The following ADAMTS1 variants were observed in gnomAD, a reference collection of about 807,000 sequenced individuals.
The protein encoded by ADAMTS1 is A disintegrin and metalloproteinase with thrombospondin motifs 1.
Under a neutral mutation model 87.9 loss-of-function variants are expected in ADAMTS1, and 19 were observed. That is an observed-to-expected ratio of 0.22 (90% confidence interval 0.15 to 0.32). ADAMTS1 has a LOEUF of 0.32. Ranked by LOEUF, ADAMTS1 falls within the 10% of genes least tolerant of loss-of-function variation. The pLI is 1.00. For synonymous variants in ADAMTS1, 542 were observed against 501.8 expected (o/e 1.08, Z -1.07); for missense variants, 1,240 against 1,259.1 (o/e 0.98, Z 0.23).
chr21:26,844,895 G>C lies in ADAMTS1; in HGVS notation c.60C>G (p.Asn20Lys), dbSNP rs765069996. 6.5e-6 allele frequency: 10 copies of C among 1,532,240 alleles called. No homozygotes were observed. The highest frequency in any genetic ancestry group is 3.7e-5 in the South Asian group (3 of 81,180). 94.9% of individuals were successfully genotyped at this position (1,532,240 alleles called of 1,614,324 possible). ...TCCGAGACCCCGGAGCCCGCTCCGCGTTCCCCATGTCGCTGCCCAGCTTGC... is the reference window on the plus strand; with the variant it reads ...TCCGAGACCCCGGAGCCCGCTCCGCCTTCCCCATGTCGCTGCCCAGCTTGC... ...GRRKLGSDMG[N>K]AERAPGSRSF... The change falls in exon 1 of 9, where the codon AAC becomes AAG. Residue 20 changes from asparagine (N) to lysine (K), a missense_variant. Physicochemically the swap from Asn to Lys is moderately conservative, Grantham distance 94. Around this residue, in one of 3 missense-constraint regions of ADAMTS1, gnomAD observed 521 missense variants for 449.7 expected, o/e 1.16. Coordinates refer to ENST00000284984, the MANE Select transcript of ADAMTS1 (RefSeq NM_006988.5).
Position 26,837,228 on chromosome 21 carries a change from A to T in ADAMTS1, c.*351T>A, listed in dbSNP as rs1985383778. ...CCATGATACTAAGTATTTGATAAGT[A>T]CCAGGAAACAGGGGTTGTAATAGTT... On this transcript the variant is annotated 3_prime_UTR_variant, in exon 9 of 9. Transcript: ENST00000284984. 4.9e-6 allele frequency: 1 copy of T among 205,056 alleles called. No individual in the cohort carries two copies. The highest frequency in any genetic ancestry group is 1.0e-5 in the Non-Finnish European group (1 of 99,812). The allele number at this position is 205,056 out of a possible 1,614,324, so 12.7% of individuals were successfully genotyped here.
Position 26,836,841 on chromosome 21 carries a change from A to G in ADAMTS1, c.*738T>C, listed in dbSNP as rs770866005. ...GCTCATTGTGTCTCCTCTAGCTTTT[A>G]CCAGCATCTAATGCTTCACTGCTTT... On this transcript the variant is annotated 3_prime_UTR_variant, in exon 9 of 9. Transcript: ENST00000284984. 6.6e-6 allele frequency: 1 copy of G among 152,258 alleles called. No homozygotes were observed. The highest frequency in any genetic ancestry group is 1.5e-5 in the Non-Finnish European group (1 of 68,050). 9.4% of individuals were successfully genotyped at this position (152,258 alleles called of 1,614,324 possible). A position where few individuals can be genotyped will look rare whatever the true frequency, so the allele number is the denominator to read the frequency against.
chr21:26,841,484 A>T lies in ADAMTS1; in HGVS notation c.1211-319T>A, dbSNP rs535925110. 9 of 251,848 alleles carry T rather than the reference A, an allele frequency of 3.6e-5. 1 individual carries two copies. The South Asian group carries it at 1.0e-3, about 29-fold the overall frequency. The allele number at this position is 251,848 out of a possible 1,614,324, so 15.6% of individuals were successfully genotyped here. On this transcript the variant is annotated intron_variant, in intron 3 of 8. Transcript: ENST00000284984. ...ACAGAGTGAGACTCCATCTCAAAAAAAATAATAATAAAATAAAATATGGAT... is the reference window on the plus strand; with the variant it reads ...ACAGAGTGAGACTCCATCTCAAAAATAATAATAATAAAATAAAATATGGAT...
chr21:26,844,102 CT>C (rs1985554685), intron 1 of ADAMTS1, 122 bp downstream of exon 1: 1 of 1,275,862 alleles, frequency 7.8e-7, no homozygotes, highest in Non-Finnish European at 1.1e-6. Context: ...CACTCCAGGC[CT>C]CCGTTCTGTC....
At position 26,837,913 on chromosome 21, in the gene ADAMTS1, G is replaced by A. The variant is rs1264343996; in HGVS notation, c.2570C>T (p.Ala857Val). ...TTCGCCCCACTCTTCAATGACCCAT[G>A]CTGAAAAAGTGGGGATAGCATTGAA... Reference protein sequence around the residue: ...ESFNAIPTFSAWVIEEWGECS... With the variant: ...ESFNAIPTFSVWVIEEWGECS... The change falls in exon 9 of 9, where the codon GCA becomes GTA. Residue 857 changes from alanine to valine, a missense_variant. By Grantham distance (64) the Ala-to-Val change is moderately conservative. Transcript: ENST00000284984. 6.2e-7 allele frequency: 1 copy of A among 1,614,226 alleles called. No homozygotes were observed. The highest frequency in any genetic ancestry group is 2.2e-5 in the East Asian group (1 of 44,888).
chr21:26,840,393 A>C lies in ADAMTS1; in HGVS notation c.1548T>G (p.Gly516=), dbSNP rs1946819143. ...GTTTGGTTTGACACACCAGCACCCC[A>C]CCAGAGGTGCCGGTACACCACAAGG... ...CSTLWCTGTS[G]GVLVCQTKHF... is the part of the protein sequence containing the mutation. Residue 516 remains glycine, a synonymous_variant, in exon 5 of 9, where the codon GGT becomes GGG. Transcript: ENST00000284984. 38 of 1,614,196 alleles carry C rather than the reference A, an allele frequency of 2.4e-5. No homozygotes were observed. Among genetic ancestry groups the C allele is most frequent in the Non-Finnish European group, 3.1e-5 (37 of 1,180,026 alleles).
Position 26,844,871 on chromosome 21 carries a change from C to G in ADAMTS1, c.84G>C (p.Arg28=). ...GCAGCGTGGGTACTGGCCCAAAGCT[C>G]CGAGACCCCGGAGCCCGCTCCGCGT... ...MGNAERAPGS[R]SFGPVPTLLL... is the part of the protein sequence containing the mutation. Residue 28 remains arginine, a synonymous_variant, in exon 1 of 9, where the codon CGG becomes CGC. Coordinates refer to ENST00000284984, the MANE Select transcript of ADAMTS1 (RefSeq NM_006988.5). 6.5e-7 allele frequency: 1 copy of G among 1,548,864 alleles called. No homozygotes were observed. Among genetic ancestry groups the G allele is most frequent in the Non-Finnish European group, 8.7e-7 (1 of 1,148,332 alleles).
At chr21:26,841,431 A>T in intron 3 of ADAMTS1, 3 of 348,286 alleles carry the variant, frequency 8.6e-6, no homozygotes, top group Middle Eastern at 7.9e-4. Flanking sequence ...GTGAGCCGAG[A>T]TTGTGCCACT....
Position 26,838,161 on chromosome 21 carries a change from A to G in ADAMTS1, c.2322T>C (p.Asp774=). The change falls in exon 9 of 9, where the codon GAT becomes GAC. Residue 774 remains aspartate, a synonymous_variant. Coordinates refer to ENST00000284984, the MANE Select transcript of ADAMTS1 (RefSeq NM_006988.5). Reference sequence around the variant, plus strand: ...AGTCACCATTAAGAATATATGTGCCATCAGCAGCTTTGATGGCAAGAAAGC... The same window carrying G: ...AGTCACCATTAAGAATATATGTGCCGTCAGCAGCTTTGATGGCAAGAAAGC... The part of the protein sequence containing the change: ...NGSFLAIKAA[D]GTYILNGDYT... 1 of 1,614,172 alleles carries G rather than the reference A, an allele frequency of 6.2e-7. No homozygotes were observed. The highest frequency in any genetic ancestry group is 8.5e-7 in the Non-Finnish European group (1 of 1,180,030).
Position 26,841,311 on chromosome 21 carries a change from T to A in ADAMTS1, c.1211-146A>T, listed in dbSNP as rs571565957. 33 of 771,934 alleles carry A rather than the reference T, an allele frequency of 4.3e-5. No homozygotes were observed. The East Asian group carries it at 9.3e-4, about 22-fold the overall frequency. The allele number at this position is 771,934 out of a possible 1,614,324, so 47.8% of individuals were successfully genotyped here. ...ATGGCCAACATAGTGAAACCCCGTC[T>A]CTACTAAAAATACAAAAATTAGCCG... On this transcript the variant is annotated intron_variant, in intron 3 of 8. Transcript: ENST00000284984.
Position 26,837,703 on chromosome 21 carries a change from C to A in ADAMTS1, c.2780G>T (p.Gly927Val). 1 of 1,614,184 alleles carries A rather than the reference C, an allele frequency of 6.2e-7. No homozygotes were observed. The highest frequency in any genetic ancestry group is 8.5e-7 in the Non-Finnish European group (1 of 1,180,028). The change falls in exon 9 of 9, where the codon GGT becomes GTT. Residue 927 changes from glycine to valine, a missense_variant. Physicochemically the swap from Gly to Val is moderately radical, Grantham distance 109. Coordinates refer to ENST00000284984, the MANE Select transcript of ADAMTS1 (RefSeq NM_006988.5). ...WSSCSKTCGK[G>V]YKKRSLKCLS... ...ACACTTCAAGCTTCTTTTTTTGTAA[C>A]CCTTCCCACAGGTCTTAGAACATGA...
In ADAMTS1 at chr21:26,844,960, C is replaced by A. The variant is rs1260395751; in HGVS notation, c.-6G>T. 6.7e-7 allele frequency: 1 copy of A among 1,498,808 alleles called. No homozygotes were observed. Among genetic ancestry groups the A allele is most frequent in the Non-Finnish European group, 8.9e-7 (1 of 1,127,264 alleles). 92.8% of individuals were successfully genotyped at this position (1,498,808 alleles called of 1,614,324 possible). A position where few individuals can be genotyped will look rare whatever the true frequency, so the allele number is the denominator to read the frequency against. On this transcript the variant is annotated 5_prime_UTR_variant, in exon 1 of 9. Transcript: ENST00000284984. ...TCGGGCACAGCTCGCTGCATTGGAG[C>A]CCCAGGAGACACCGCTCGTAGCAGC...
At position 26,844,758 on chromosome 21, in the gene ADAMTS1, T is replaced by C. The variant is rs1985583135; in HGVS notation, c.197A>G (p.Glu66Gly). ...EDEELVVPELERAPGHGTTRL... is the reference protein window; with the variant it reads ...EDEELVVPELGRAPGHGTTRL... ...CGTGGTCCCGTGTCCCGGGGCGCGC[T>C]CCAGCTCCGGCACCACTAGCTCCTC... The change falls in exon 1 of 9, where the codon GAG becomes GGG. Residue 66 changes from glutamate (E) to glycine (G), a missense_variant. Glu to Gly is a moderately conservative substitution (Grantham distance 98). Transcript: ENST00000284984. The C allele has an allele frequency of 6.4e-7, 1 of 1,554,856 alleles. No individual in the cohort carries two copies. The highest frequency in any genetic ancestry group is 1.2e-5 in the South Asian group (1 of 85,596).
chr21:26,835,807 T>C lies in ADAMTS1; in HGVS notation c.*1772A>G, dbSNP rs1391113707. 6.6e-6 allele frequency: 1 copy of C among 152,246 alleles called. No homozygotes were observed. Among genetic ancestry groups the C allele is most frequent in the African/African-American group, 2.4e-5 (1 of 41,474 alleles). The allele number at this position is 152,246 out of a possible 1,614,324, so 9.4% of individuals were successfully genotyped here. A position where few individuals can be genotyped will look rare whatever the true frequency, so the allele number is the denominator to read the frequency against. ...TATATACCAGGGTTGGCAAACTGAA[T>C]CTGCAGAACAAATCTGACCCATTAT... On this transcript the variant is annotated 3_prime_UTR_variant, in exon 9 of 9. Coordinates refer to ENST00000284984, the MANE Select transcript of ADAMTS1 (RefSeq NM_006988.5).
At position 26,844,731 on chromosome 21, in the gene ADAMTS1, C is replaced by A; in HGVS notation, c.224G>T (p.Arg75Leu). The A allele has an allele frequency of 6.4e-7, 1 of 1,573,532 alleles. No homozygotes were observed. Among genetic ancestry groups the A allele is most frequent in the East Asian group, 2.3e-5 (1 of 43,370 alleles). The change falls in exon 1 of 9, where the codon CGC becomes CTC. Residue 75 changes from arginine to leucine, a missense_variant. This residue lies in a region of ADAMTS1 where 521 missense variants were observed against 449.7 expected (regional missense o/e 1.16). Transcript: ENST00000284984. ...CTGGTCAAAGGCGTGCAGGCGGAGG[C>A]GCGTGGTCCCGTGTCCCGGGGCGCG... is the stretch of plus-strand genomic sequence containing the variant. ...LERAPGHGTT[R>L]LRLHAFDQQL... is the part of the protein sequence containing the mutation.
rs1985595237 is a variant in ADAMTS1 at position 26,845,089 on chromosome 21, G to A, written c.-135C>T. 8.4e-7 allele frequency: 1 copy of A among 1,195,564 alleles called. No individual in the cohort carries two copies. The highest frequency in any genetic ancestry group is 2.9e-5 in the East Asian group (1 of 34,176). The allele number at this position is 1,195,564 out of a possible 1,614,324, so 74.1% of individuals were successfully genotyped here. The stretch of plus-strand genomic sequence containing the variant: ...TTTCTATTATTCGTTGGAAGGGCGC[G>A]CAGAGCCGGCTACAGCCGAAGCTCC... On this transcript the variant is annotated 5_prime_UTR_variant, in exon 1 of 9. Transcript: ENST00000284984.
rs925850063 is a variant in ADAMTS1 at position 26,840,547 on chromosome 21, T to G, written c.1394A>C (p.Asp465Ala). ...GAGCTGTATGGGATTCTGAGGCTTG[T>G]CCATCAAACATTCCCCTGCAAAGGA... ...LDNGHGECLM[D>A]KPQNPIQLPG... is the part of the protein sequence containing the mutation. The change falls in exon 5 of 9, where the codon GAC becomes GCC. Residue 465 changes from aspartate (D) to alanine (A), a missense_variant. Transcript: ENST00000284984. 1.1e-5 allele frequency: 17 copies of G among 1,613,646 alleles called. No individual in the cohort carries two copies. The highest frequency in any genetic ancestry group is 2.7e-5 in the African/African-American group (2 of 74,912).
Position 26,845,003 on chromosome 21 carries a change from T to G in ADAMTS1, c.-49A>C. On this transcript the variant is annotated 5_prime_UTR_variant, in exon 1 of 9. Coordinates refer to ENST00000284984, the MANE Select transcript of ADAMTS1 (RefSeq NM_006988.5). ...GTAGCAGCGCACGGAGCGAGGGACC[T>G]TTAGTTCGGGTCGGGAGAGCAAAGC... The G allele has an allele frequency of 2.0e-6, 3 of 1,477,234 alleles. No homozygotes were observed. Among genetic ancestry groups the G allele is most frequent in the South Asian group, 1.4e-5 (1 of 69,282 alleles). The allele number at this position is 1,477,234 out of a possible 1,614,324, so 91.5% of individuals were successfully genotyped here. A position where few individuals can be genotyped will look rare whatever the true frequency, so the allele number is the denominator to read the frequency against.
In ADAMTS1 at chr21:26,841,126, C is replaced by T; in HGVS notation, c.1250G>A (p.Cys417Tyr). Residue 417 changes from cysteine to tyrosine, a missense_variant, in exon 4 of 9, where the codon TGT (cysteine) becomes TAT (tyrosine). This residue lies in a region of ADAMTS1 where 317 missense variants were observed against 410.3 expected (regional missense o/e 0.77). Transcript: ENST00000284984. ...FNMPHDDAKQ[C>Y]ASLNGVNQDS... ...CTGGTTCACACCATTAAGGCTGGCA[C>T]ACTGCTTTGCATCATCATGTGGCAT... 6.2e-7 allele frequency: 1 copy of T among 1,614,186 alleles called. No homozygotes were observed. The highest frequency in any genetic ancestry group is 8.5e-7 in the Non-Finnish European group (1 of 1,180,046).
Sources: allele counts gnomAD v4.1 joint callset, GRCh38; gene constraint gnomAD v4.1.1; regional missense constraint gnomAD v4.1.1; transcripts MANE v1.5; gene names NCBI Gene and HGNC (gene_info 2026-07-23, HGNC 2026-07-21).